Variants in RNASET2 observed in about 807,000 individuals in gnomAD.
The protein encoded by RNASET2 is ribonuclease T2, also known as ribonuclease 6.
A neutral mutation model predicts 33.9 loss-of-function variants in RNASET2; 28 were observed. The ratio of observed to expected loss-of-function variants is 0.83; its 90% CI spans 0.61 to 1.13. The LOEUF (loss-of-function observed/expected upper bound fraction) is 1.13, where lower values mean the gene tolerates loss of function less well. Ranked by LOEUF, RNASET2 falls within the 50% of genes most tolerant of loss-of-function variation. The probability of loss-of-function intolerance (pLI) is 0.00; values close to 1 mark genes in which losing one functional copy is unlikely to be tolerated. For synonymous variants in RNASET2, 123 were observed against 121.0 expected (o/e 1.02, Z -0.11); for missense variants, 330 against 319.9 (o/e 1.03, Z -0.24).
intron 1 of RNASET2, among the ~76,000 whole-genome samples, chr6:166,954,447 G>T (rs978064272): frequency 2.6e-5 from 4 of 152,138 alleles, no homozygotes; most frequent in African/African-American, 9.7e-5. Context: ...CCAACTCTGT[G>T]AGGCTGACTG....
intron 8 of RNASET2, 99 bp downstream of exon 8, chr6:166,930,945 A>G: frequency 1.2e-6 from 1 of 857,954 alleles, no homozygotes; most frequent in Non-Finnish European, 2.0e-6. Flanking sequence ...GCACAAATAC[A>G]AGTCTGCCCC....
intron 1 of RNASET2, chr6:166,955,730 TC>T (rs2128648642): frequency 2.7e-6 from 3 of 1,124,698 alleles, no homozygotes; most frequent in African/African-American, 3.4e-5. Flanking sequence ...TGTTCAGGGC[TC>T]CCCAACCCAC....
intron 2 of RNASET2, 82 bp from the exon 3 acceptor site, chr6:166,948,707 C>T (rs1778908092): frequency 1.2e-6 from 1 of 864,938 alleles, no homozygotes; most frequent in Non-Finnish European, 2.0e-6. Context: ...ATACATTTAG[C>T]AGCTAGTTGC....
At chr6:166,938,821 G>T in intron 6 of RNASET2, 74 bp downstream of exon 6, 1 of 1,050,520 alleles carries the variant, frequency 9.5e-7, no homozygotes. Flanking sequence ...CCACTCCCCT[G>T]GATCCAGCTG....
intron 6 of RNASET2, 41 bp from the exon 7 acceptor site, chr6:166,934,177 T>G: frequency 2.3e-6 from 3 of 1,283,190 alleles, no homozygotes; most frequent in Non-Finnish European, 2.3e-6. Context: ...ATAATGAAGG[T>G]CCACTTTGCT....
rs3757197 is a variant in RNASET2 at position 166,947,779 on chromosome 6, G to A, written c.203+791C>T. Among the ~76,000 whole-genome samples the A allele has an allele frequency of 7.2e-5, 11 of 152,270 alleles. No homozygotes were observed. The East Asian group carries it at 1.5e-3, about 21-fold the overall frequency. On this transcript the variant is annotated intron_variant, in intron 3 of 8. Transcript: ENST00000508775. ...AAGGGCCCTTTTCAATCCCGGCATC[G>A]AGGCAGTGGGACAAAACGGGTCCTT...
rs541610209 is a variant in RNASET2 at position 166,923,292 on chromosome 6, C to T, written c.*6296G>A. 7.8e-4 allele frequency among the ~76,000 whole-genome samples: 113 copies of T among 144,964 alleles called. No homozygotes were observed. Among genetic ancestry groups the T allele is most frequent in the South Asian group, 2.0e-3 (9 of 4,538 alleles). ...TGTTGCCCAAGCTTGAGTACAGTCTCGGCTCACTGCAGCCTCCACCTCCTG... is the reference window on the plus strand; with the variant it reads ...TGTTGCCCAAGCTTGAGTACAGTCTTGGCTCACTGCAGCCTCCACCTCCTG... On this transcript the variant is annotated 3_prime_UTR_variant, in exon 9 of 9. Coordinates refer to ENST00000508775, the MANE Select transcript of RNASET2 (RefSeq NM_003730.6).
intron 1 of RNASET2, among the ~76,000 whole-genome samples, chr6:166,953,733 C>T (rs904237386): frequency 1.2e-4 from 18 of 151,992 alleles, no homozygotes; most frequent in Admixed American, 5.2e-4. Context: ...CAAAAATTAG[C>T]CAGGTGTGGT....
Position 166,934,336 on chromosome 6 carries a change from C to T in RNASET2, c.447-200G>A, listed in dbSNP as rs1198608194. ...CCCGCCTTCCCCACCCCTTAGCACA[C>T]ACACAAACTGCTCCAGGCAGGTACC... On this transcript the variant is annotated intron_variant, in intron 6 of 8. Transcript: ENST00000508775. 4 of 589,364 alleles carry T rather than the reference C, an allele frequency of 6.8e-6. No homozygotes were observed. In the African/African-American group the frequency reaches 7.4e-5, roughly 11 times the overall value. The allele number at this position is 589,364 out of a possible 1,614,324, so 36.5% of individuals were successfully genotyped here.
intron 1 of RNASET2, among the ~76,000 whole-genome samples, chr6:166,954,055 G>T (rs748552365): frequency 6.6e-6 from 1 of 152,128 alleles, no homozygotes; most frequent in Non-Finnish European, 1.5e-5. Context: ...AGACTCAGAC[G>T]TTTGTAACAA....
intron 6 of RNASET2, among the ~76,000 whole-genome samples, chr6:166,938,315 G>A (rs1562496879): frequency 6.6e-6 from 1 of 152,162 alleles, no homozygotes; most frequent in Non-Finnish European, 1.5e-5. Flanking sequence ...GACAGTGAGT[G>A]GGCTCGGTGT....
At chr6:166,943,953 C>G in intron 4 of RNASET2, 1 of 251,112 alleles carries the variant, frequency 4.0e-6, no homozygotes, top group South Asian at 3.8e-5. Flanking sequence ...AACCCTGTCT[C>G]TACTAAAAAT....
intron 6 of RNASET2, chr6:166,938,513 C>T: frequency 3.8e-6 from 2 of 529,520 alleles, no homozygotes; most frequent in Non-Finnish European, 7.6e-6. Context: ...GCGGCAAAGA[C>T]CTACAGACTT....
intron 4 of RNASET2, among the ~76,000 whole-genome samples, chr6:166,946,354 C>T (rs373265580): frequency 2.0e-3 from 292 of 149,122 alleles, no homozygotes; most frequent in African/African-American, 6.8e-3. Flanking sequence ...GGGCCTGGGA[C>T]GAGGCGGGGC....
chr6:166,934,471 T>C (rs376512986), intron 6 of RNASET2: 23 of 303,018 alleles, frequency 7.6e-5, no homozygotes, highest in East Asian at 1.6e-4. Context: ...AAGACAGCAA[T>C]TGAAATCGGA....
At chr6:166,947,241 T>A (rs1778870712) in intron 3 of RNASET2, among the ~76,000 whole-genome samples, 1 of 152,188 alleles carries the variant, frequency 6.6e-6, no homozygotes, top group Non-Finnish European at 1.5e-5. Context: ...TGGCAGAAGA[T>A]CAGCTAGTAG....
rs993877408 is a variant in RNASET2, at chr6:166,943,034, T to C, written c.317A>G (p.Asn106Ser). 4 of 1,613,554 alleles carry C rather than the reference T, an allele frequency of 2.5e-6. No homozygotes were observed. The African/African-American group carries it at 4.0e-5, about 16-fold the overall frequency. The change falls in exon 5 of 9, where the codon AAT (asparagine) becomes AGT (serine). Residue 106 changes from asparagine (N) to serine (S), a missense_variant. By Grantham distance (46) the Asn-to-Ser change is conservative. Coordinates refer to ENST00000508775, the MANE Select transcript of RNASET2 (RefSeq NM_003730.6). ...TGGGACTTACCAGAAGCGGCTGCGA[T>C]TGGGAAACGAGTGAATTACGTCAGG... ...YWPDVIHSFP[N>S]RSRFWKHEWE...
chr6:166,953,863 C>T (rs1433462190), intron 1 of RNASET2, among the ~76,000 whole-genome samples: 4 of 146,156 alleles, frequency 2.7e-5, no homozygotes, highest in African/African-American at 1.0e-4. Context: ...CTGGGCTACA[C>T]AGCCAGACCC....
intron 3 of RNASET2, among the ~76,000 whole-genome samples, chr6:166,948,110 C>T (rs1778892091): frequency 6.6e-6 from 1 of 152,036 alleles, no homozygotes; most frequent in East Asian, 1.9e-4. Flanking sequence ...CTTTGGGAGG[C>T]CAAGGTGGAT....
Sources: allele counts gnomAD v4.1 joint callset (sites outside exome capture counted in the v4.1 genomes callset), GRCh38; gene constraint gnomAD v4.1.1; transcripts MANE v1.5; gene names NCBI Gene and HGNC (gene_info 2026-07-23, HGNC 2026-07-21).